The following ALG14 variants were observed in gnomAD, a reference collection of about 807,000 sequenced individuals.
ALG14 encodes the protein ALG14 UDP-N-acetylglucosaminyltransferase subunit.
In ALG14, 17 loss-of-function variants were observed where a neutral mutation model predicts 22.8. The observed-to-expected ratio is 0.75, with a 90% CI of 0.51 to 1.12. The LOEUF (loss-of-function observed/expected upper bound fraction) is 1.12. Ranked by LOEUF, ALG14 falls within the 50% of genes most tolerant of loss-of-function variation. The pLI, the probability that ALG14 is intolerant of heterozygous loss-of-function variation, is 0.00. For synonymous variants in ALG14, 89 were observed against 103.7 expected (o/e 0.86, Z 0.86); for missense variants, 288 against 271.8 (o/e 1.06, Z -0.42).
intron 3 of ALG14, among the ~76,000 whole-genome samples, chr1:94,995,478 C>T (rs1672885945): frequency 6.6e-6 from 1 of 152,234 alleles, no homozygotes; most frequent in South Asian, 2.1e-4. Flanking sequence ...TTCGGGAGGC[C>T]GAGGCAGGCA....
intron 2 of ALG14, among the ~76,000 whole-genome samples, chr1:95,064,661 T>A (rs977774970): frequency 6.6e-6 from 1 of 152,240 alleles, no homozygotes; most frequent in Non-Finnish European, 1.5e-5. Flanking sequence ...AACTTTTTGA[T>A]GTGCTAAGCA....
At chr1:94,987,329 C>A (rs1222426707) in intron 3 of ALG14, among the ~76,000 whole-genome samples, 1 of 152,174 alleles carries the variant, frequency 6.6e-6, no homozygotes, top group Admixed American at 6.5e-5. Context: ...GTGACACAGC[C>A]CTTTGTTTTG....
At chr1:95,010,933 C>A (rs1182637000) in intron 3 of ALG14, among the ~76,000 whole-genome samples, 3 of 152,082 alleles carry the variant, frequency 2.0e-5, no homozygotes, top group Admixed American at 6.5e-5. Flanking sequence ...GAAATAAGAA[C>A]AACCAAAGTT....
At position 94,977,715 on chromosome 1, in the gene ALG14, C is replaced by T. The variant is rs1463587326; in HGVS notation, c.*5361G>A. 1 of 151,668 alleles carries T rather than the reference C, an allele frequency of 6.6e-6. No homozygotes were observed. Among genetic ancestry groups the T allele is most frequent in the Non-Finnish European group, 1.5e-5 (1 of 68,032 alleles). 9.4% of individuals were successfully genotyped at this position (151,668 alleles called of 1,614,324 possible). On this transcript the variant is annotated 3_prime_UTR_variant, in exon 4 of 4. Transcript: ENST00000370205. ...CCAGGCTGGAGTGCAGTGCCATGAT[C>T]TCGGCTCACTGCAACCTCCACCTCC...
chr1:95,014,664 A>G (rs1195919702), intron 3 of ALG14, among the ~76,000 whole-genome samples: 1 of 152,222 alleles, frequency 6.6e-6, no homozygotes, highest in East Asian at 1.9e-4. Context: ...TTAAAATTAC[A>G]TGTAAACTTA....
In ALG14 at chr1:95,033,063, A is replaced by G. The variant is rs561311887; in HGVS notation, c.289-5803T>C. Among the ~76,000 whole-genome samples, 6 of 152,270 alleles carry G rather than the reference A, an allele frequency of 3.9e-5. No homozygotes were observed. The East Asian group carries it at 7.7e-4, about 20-fold the overall frequency. On this transcript the variant is annotated intron_variant, in intron 2 of 3. Coordinates refer to ENST00000370205, the MANE Select transcript of ALG14 (RefSeq NM_144988.4). ...GGCCAGGAATTACCTAGGGGTTCTG[A>G]TATCTGGAGAAATCCAAATGAAGGC...
At chr1:95,055,735 G>A (rs1264963563) in intron 2 of ALG14, among the ~76,000 whole-genome samples, 1 of 146,532 alleles carries the variant, frequency 6.8e-6, no homozygotes, top group Non-Finnish European at 1.5e-5. Context: ...GCTCACACCT[G>A]TAATCCCAGC....
intron 3 of ALG14, among the ~76,000 whole-genome samples, chr1:94,989,158 T>C (rs1347531376): frequency 6.6e-6 from 1 of 152,212 alleles, no homozygotes; most frequent in Non-Finnish European, 1.5e-5. Context: ...CCTTTTTTGT[T>C]ATTCTAAATC....
chr1:94,991,022 C>T (rs1672758946), intron 3 of ALG14, among the ~76,000 whole-genome samples: 1 of 152,252 alleles, frequency 6.6e-6, no homozygotes, highest in Non-Finnish European at 1.5e-5. Flanking sequence ...CAAGGCTTTG[C>T]AATCATGCAG....
chr1:95,063,634 T>C (rs1212270552), intron 2 of ALG14, among the ~76,000 whole-genome samples: 1 of 152,216 alleles, frequency 6.6e-6, no homozygotes. Flanking sequence ...TTCTGTTCCA[T>C]TGGTCTGTAT....
At chr1:95,059,379 C>T (rs866630874) in intron 2 of ALG14, among the ~76,000 whole-genome samples, 21 of 123,002 alleles carry the variant, frequency 1.7e-4, no homozygotes, top group African/African-American at 6.9e-4. Flanking sequence ...GCCTGGGTGA[C>T]AGGGTGAGAC....
At chr1:94,995,183 T>G (rs1571583784) in intron 3 of ALG14, among the ~76,000 whole-genome samples, 1 of 152,230 alleles carries the variant, frequency 6.6e-6, no homozygotes, top group Non-Finnish European at 1.5e-5. Flanking sequence ...AAAAATAAGC[T>G]TAAGAATTTT....
chr1:94,998,794 G>C (rs1672974973), intron 3 of ALG14, among the ~76,000 whole-genome samples: 3 of 152,130 alleles, frequency 2.0e-5, no homozygotes. Context: ...TTACTGTGAG[G>C]ATTAAATACG....
In ALG14 at chr1:94,990,504, T is replaced by G. The variant is rs529658108; in HGVS notation, c.421-7198A>C. 1.9e-4 allele frequency among the ~76,000 whole-genome samples: 29 copies of G among 152,332 alleles called. No individual in the cohort carries two copies. The South Asian group carries it at 4.8e-3, about 25-fold the overall frequency. ...GAACCCAAGGTCTCTTACAATTCTA[T>G]TGGTAACAGAATTTTCAGAGATGTC... On this transcript the variant is annotated intron_variant, in intron 3 of 3. Transcript: ENST00000370205.
chr1:95,038,031 G>T (rs570222622), intron 2 of ALG14, among the ~76,000 whole-genome samples: 9 of 152,286 alleles, frequency 5.9e-5, no homozygotes, highest in Non-Finnish European at 1.0e-4. Context: ...TAAATATAAT[G>T]TTAGCACCAA....
At chr1:95,003,917 G>A (rs192358393) in intron 3 of ALG14, among the ~76,000 whole-genome samples, 55 of 152,228 alleles carry the variant, frequency 3.6e-4, no homozygotes, top group Admixed American at 3.5e-3. Context: ...CTCAGAATTT[G>A]ATATCAGCAG....
chr1:95,030,219 A>T (rs557617398), intron 2 of ALG14, among the ~76,000 whole-genome samples: 5 of 152,336 alleles, frequency 3.3e-5, no homozygotes, highest in Non-Finnish European at 7.3e-5. Flanking sequence ...ACAATACATG[A>T]ATATTCACAC....
intron 1 of ALG14, among the ~76,000 whole-genome samples, chr1:95,071,991 T>C (rs1282384806): frequency 1.3e-5 from 2 of 152,266 alleles, no homozygotes; most frequent in African/African-American, 2.4e-5. Flanking sequence ...TGGCAAGTAA[T>C]GTTAGTCAGT....
chr1:94,995,115 A>C (rs1226575336), intron 3 of ALG14, among the ~76,000 whole-genome samples: 1 of 152,214 alleles, frequency 6.6e-6, no homozygotes, highest in Non-Finnish European at 1.5e-5. Flanking sequence ...TATCTTGCTG[A>C]ACTGAAAACT....
Sources: allele counts gnomAD v4.1 joint callset (sites outside exome capture counted in the v4.1 genomes callset), GRCh38; gene constraint gnomAD v4.1.1; transcripts MANE v1.5; gene names NCBI Gene and HGNC (gene_info 2026-07-23, HGNC 2026-07-21).